The following ZSWIM6 variants were observed in gnomAD, a reference collection of about 807,000 sequenced individuals.
ZSWIM6 encodes zinc finger SWIM-type containing 6.
In ZSWIM6, 9 loss-of-function variants were observed where a neutral mutation model predicts 113.2. The observed-to-expected ratio is 0.08, with a 90% CI of 0.05 to 0.14. ZSWIM6 has a LOEUF of 0.14. Ranked by LOEUF, ZSWIM6 falls within the 10% of genes least tolerant of loss-of-function variation. ZSWIM6 has a pLI of 1.00. For synonymous variants in ZSWIM6, 611 were observed against 606.5 expected (o/e 1.01, Z -0.11); for missense variants, 1,162 against 1,552.2 (o/e 0.75, Z 4.22).
chr5:61,508,735 C>G (rs1748695725), intron 4 of ZSWIM6, among the ~76,000 whole-genome samples: 2 of 152,086 alleles, frequency 1.3e-5, no homozygotes, highest in South Asian at 4.1e-4. Flanking sequence ...TGGGCCCAAA[C>G]CTTACGTGAC....
chr5:61,420,878 C>T (rs1012933497), intron 1 of ZSWIM6, among the ~76,000 whole-genome samples: 8 of 151,508 alleles, frequency 5.3e-5, no homozygotes, highest in Admixed American at 4.6e-4. Context: ...ACTATAGTCA[C>T]CCTGCTGTGC....
rs1431349605 is a variant in ZSWIM6, at chr5:61,521,315, G to T, written c.1386G>T (p.Lys462Asn). The change falls in exon 5 of 14, where the codon AAG becomes AAT. Residue 462 changes from lysine (K) to asparagine (N), a missense_variant. Transcript: ENST00000252744. ...ACCCCCACTGCAAGTTGGAGCAAAA[G>T]GCCAGTTGGCTAAAACAGCTGAAGA... is the stretch of plus-strand genomic sequence containing the variant. ...VLNPHCKLEQ[K>N]ASWLKQLKKW... 2.0e-6 allele frequency: 3 copies of T among 1,520,162 alleles called. No homozygotes were observed. The highest frequency in any genetic ancestry group is 2.6e-6 in the Non-Finnish European group (3 of 1,132,320). 94.2% of individuals were successfully genotyped at this position (1,520,162 alleles called of 1,614,324 possible).
Position 61,544,397 on chromosome 5 carries a change from T to A in ZSWIM6, c.*80T>A. 1 of 1,012,080 alleles carries A rather than the reference T, an allele frequency of 9.9e-7. No individual in the cohort carries two copies. The allele number at this position is 1,012,080 out of a possible 1,614,324, so 62.7% of individuals were successfully genotyped here. ...ACTTGAGCCTGCCTTTGTACCCTTTTTAACTTAAAGAACAGAGCCACACCG... is the reference window on the plus strand; with the variant it reads ...ACTTGAGCCTGCCTTTGTACCCTTTATAACTTAAAGAACAGAGCCACACCG... On this transcript the variant is annotated 3_prime_UTR_variant, in exon 14 of 14. Transcript: ENST00000252744.
At chr5:61,417,203 T>C (rs1016461044) in intron 1 of ZSWIM6, among the ~76,000 whole-genome samples, 1 of 152,086 alleles carries the variant, frequency 6.6e-6, no homozygotes, top group Non-Finnish European at 1.5e-5. Context: ...TAATGGAAAT[T>C]AGGTTGGAAC....
intron 4 of ZSWIM6, among the ~76,000 whole-genome samples, chr5:61,514,383 T>C (rs1039720535): frequency 6.6e-6 from 1 of 152,068 alleles, no homozygotes. Context: ...CCTTGCTTTA[T>C]TGGCCTGTCT....
chr5:61,535,137 G>T (rs988889456), intron 9 of ZSWIM6, among the ~76,000 whole-genome samples: 2 of 152,158 alleles, frequency 1.3e-5, no homozygotes, highest in Admixed American at 1.3e-4. Flanking sequence ...AAGATGCTCT[G>T]ATGCCACACA....
At chr5:61,362,360 G>T (rs1745048343) in intron 1 of ZSWIM6, among the ~76,000 whole-genome samples, 1 of 152,096 alleles carries the variant, frequency 6.6e-6, no homozygotes, top group South Asian at 2.1e-4. Flanking sequence ...CACCATGCTG[G>T]CTAATTTTTG....
intron 2 of ZSWIM6, among the ~76,000 whole-genome samples, chr5:61,484,234 C>T (rs1030851515): frequency 2.6e-5 from 4 of 152,154 alleles, no homozygotes; most frequent in Non-Finnish European, 5.9e-5. Flanking sequence ...CAGCAGACAA[C>T]CCCCATCCAA....
intron 2 of ZSWIM6, among the ~76,000 whole-genome samples, chr5:61,487,005 A>G (rs1748036172): frequency 6.6e-6 from 1 of 152,014 alleles, no homozygotes; most frequent in Non-Finnish European, 1.5e-5. Context: ...TGCCTAGACC[A>G]GTGTCCAGGA....
chr5:61,536,102 G>A (rs545606084), intron 10 of ZSWIM6, among the ~76,000 whole-genome samples: 1 of 152,362 alleles, frequency 6.6e-6, no homozygotes, highest in African/African-American at 2.4e-5. Flanking sequence ...TGGAGGCTGA[G>A]AGAAGGTGGG....
intron 1 of ZSWIM6, among the ~76,000 whole-genome samples, chr5:61,333,526 G>A (rs982671747): frequency 6.6e-6 from 1 of 151,986 alleles, no homozygotes; most frequent in South Asian, 2.1e-4. Flanking sequence ...GGGCTCCGAC[G>A]GGCGAGCGGC....
At chr5:61,487,883 T>C (rs763757232) in intron 2 of ZSWIM6, among the ~76,000 whole-genome samples, 89 of 152,130 alleles carry the variant, frequency 5.9e-4, no homozygotes, top group Non-Finnish European at 1.1e-3. Context: ...TTCTCTTGAC[T>C]GATTGCTCTG....
intron 1 of ZSWIM6, among the ~76,000 whole-genome samples, chr5:61,422,351 A>T (rs1402588571): frequency 6.6e-6 from 1 of 152,154 alleles, no homozygotes; most frequent in African/African-American, 2.4e-5. Flanking sequence ...TTTTCTTGGC[A>T]CTTTTGTCAA....
chr5:61,476,005 G>T (rs185257592), intron 2 of ZSWIM6, among the ~76,000 whole-genome samples: 1 of 152,034 alleles, frequency 6.6e-6, no homozygotes, highest in Non-Finnish European at 1.5e-5. Context: ...CTTTTACCTC[G>T]CATAGATAAA....
In ZSWIM6 at chr5:61,380,940, GA is replaced by G. The variant is rs869246264; in HGVS notation, c.676+48003del. Among the ~76,000 whole-genome samples the G allele has an allele frequency of 1.7e-3, 225 of 134,948 alleles. 1 individual carries two copies. The highest frequency in any genetic ancestry group is 0.014 in the East Asian group (69 of 4,822). 88.5% of individuals were successfully genotyped at this position (134,948 alleles called of 152,430 possible). On this transcript the variant is annotated intron_variant, in intron 1 of 13. Transcript: ENST00000252744. ...ATGGCGACACGCAGTTTCTAGTACA[GA>G]AAAAAAAAAAGAAAAAAAAAATACA...
intron 4 of ZSWIM6, among the ~76,000 whole-genome samples, chr5:61,516,896 T>C (rs1354581966): frequency 1.3e-5 from 2 of 152,122 alleles, no homozygotes; most frequent in African/African-American, 4.8e-5. Flanking sequence ...TATTTCATCA[T>C]CACTCCTGAA....
chr5:61,397,541 T>G lies in ZSWIM6; in HGVS notation c.676+64593T>G, dbSNP rs561141465. 9.2e-5 allele frequency among the ~76,000 whole-genome samples: 14 copies of G among 152,350 alleles called. No homozygotes were observed. The East Asian group carries it at 2.7e-3, about 29-fold the overall frequency. On this transcript the variant is annotated intron_variant, in intron 1 of 13. Coordinates refer to ENST00000252744, the MANE Select transcript of ZSWIM6 (RefSeq NM_020928.2). ...CAGCCCATCAGTGACAGCCAAGTAGTTGTGAGTGACTTTTTTTTTTTAAGA... is the reference window on the plus strand; with the variant it reads ...CAGCCCATCAGTGACAGCCAAGTAGGTGTGAGTGACTTTTTTTTTTTAAGA...
chr5:61,399,240 T>G (rs548574780), intron 1 of ZSWIM6, among the ~76,000 whole-genome samples: 17 of 151,298 alleles, frequency 1.1e-4, no homozygotes, highest in African/African-American at 4.1e-4. Flanking sequence ...TGTTTTTTTT[T>G]TTTTTTTTTT....
intron 1 of ZSWIM6, among the ~76,000 whole-genome samples, chr5:61,404,127 C>T (rs1745998820): frequency 6.6e-6 from 1 of 152,080 alleles, no homozygotes; most frequent in South Asian, 2.1e-4. Flanking sequence ...CTTGCCTCAG[C>T]CTCCCGAGCA....
Sources: gnomAD v4.1 joint callset for allele counts (sites outside exome capture counted in the v4.1 genomes callset) on GRCh38, gnomAD v4.1.1 for gene constraint, MANE v1.5 for transcripts, NCBI Gene and HGNC (gene_info 2026-07-23, HGNC 2026-07-21) for gene names.